SORBS2: variants seen among roughly 807,000 people sequenced by gnomAD.
SORBS2 encodes the protein sorbin and SH3 domain-containing protein 2.
Under a neutral mutation model 97.7 loss-of-function variants are expected in SORBS2, and 46 were observed. That is an observed-to-expected ratio of 0.47 (90% CI 0.37 to 0.60). The LOEUF (loss-of-function observed/expected upper bound fraction) is 0.60, where lower values mean the gene tolerates loss of function less well. SORBS2 is among the 20% of genes least tolerant of loss of function. SORBS2 has a pLI of 0.00. For synonymous variants in SORBS2, 476 were observed against 473.4 expected (o/e 1.01, Z -0.07); for missense variants, 1,316 against 1,282.3 (o/e 1.03, Z -0.40).
At chr4:185,936,418 A>T (rs1296455896) in intron 1 of SORBS2, among the ~76,000 whole-genome samples, 4 of 152,200 alleles carry the variant, frequency 2.6e-5, no homozygotes, top group Non-Finnish European at 4.4e-5. Context: ...GGGTACTGAA[A>T]CCATCAATTA....
At chr4:185,954,648 A>G (rs2099278757) in intron 1 of SORBS2, among the ~76,000 whole-genome samples, 1 of 152,176 alleles carries the variant, frequency 6.6e-6, no homozygotes, top group Admixed American at 6.5e-5. Context: ...ATTATTTTCA[A>G]ATGTTGGCTA....
chr4:185,951,526 A>C (rs566028048), intron 1 of SORBS2, among the ~76,000 whole-genome samples: 46 of 152,302 alleles, frequency 3.0e-4, no homozygotes, highest in South Asian at 1.0e-3. Context: ...GCCCTCCCTG[A>C]CATTGCACAT....
At chr4:185,688,492 T>TGATGATAGATAGATA (rs749222117) in intron 2 of SORBS2, among the ~76,000 whole-genome samples, 3 of 114,240 alleles carry the variant, frequency 2.6e-5, no homozygotes, top group African/African-American at 5.8e-5. Flanking sequence ...ATCTGTCTAT[T>TGATGATAGATAGATA]GATAGATAGA....
intron 3 of SORBS2, among the ~76,000 whole-genome samples, chr4:185,648,371 T>G (rs1001337097): frequency 1.3e-5 from 2 of 151,056 alleles, no homozygotes; most frequent in Non-Finnish European, 3.0e-5. Context: ...GCGTGGTGGC[T>G]GGTGCCTGTA....
chr4:185,872,598 C>T (rs1187410761), intron 1 of SORBS2, among the ~76,000 whole-genome samples: 2 of 152,100 alleles, frequency 1.3e-5, no homozygotes, highest in Admixed American at 1.3e-4. Flanking sequence ...ACTCTCCATA[C>T]CAAAAAAGGC....
chr4:185,686,390 A>G (rs754313776), intron 2 of SORBS2, among the ~76,000 whole-genome samples: 2 of 152,210 alleles, frequency 1.3e-5, no homozygotes, highest in African/African-American at 2.4e-5. Flanking sequence ...ACAATTTCTT[A>G]ATGTAGAAAA....
intron 1 of SORBS2, among the ~76,000 whole-genome samples, chr4:185,910,872 A>G (rs1383720165): frequency 1.3e-5 from 2 of 152,126 alleles, no homozygotes; most frequent in Non-Finnish European, 2.9e-5. Context: ...AGAATTTAAC[A>G]TTATCCAAAT....
chr4:185,619,426 A>G (rs757023010), intron 8 of SORBS2, among the ~76,000 whole-genome samples: 6 of 152,138 alleles, frequency 3.9e-5, no homozygotes, highest in Non-Finnish European at 8.8e-5. Context: ...TCTGGACTAC[A>G]TCAGACGCCT....
intron 1 of SORBS2, among the ~76,000 whole-genome samples, chr4:185,887,996 A>G (rs2099240554): frequency 6.7e-6 from 1 of 150,078 alleles, no homozygotes. Context: ...GTGTGTGTAC[A>G]TTGAACTCAT....
intron 12 of SORBS2, among the ~76,000 whole-genome samples, chr4:185,596,684 A>G (rs1410380949): frequency 1.3e-5 from 2 of 151,562 alleles, no homozygotes; most frequent in East Asian, 3.9e-4. Context: ...ACAGGCACGC[A>G]CCACCGTGCC....
chr4:185,671,047 C>T (rs376767873), intron 4 of SORBS2, among the ~76,000 whole-genome samples: 93 of 152,304 alleles, frequency 6.1e-4, no homozygotes, highest in African/African-American at 2.2e-3. Flanking sequence ...GCAGTTCCTA[C>T]GACTGAGAAG....
intron 4 of SORBS2, among the ~76,000 whole-genome samples, chr4:185,675,701 C>T (rs1251217979): frequency 1.3e-5 from 2 of 152,044 alleles, no homozygotes; most frequent in African/African-American, 2.4e-5. Context: ...TAGAGTAAGG[C>T]CTTAATATTT....
At chr4:185,846,841 A>C (rs1021210104) in intron 1 of SORBS2, among the ~76,000 whole-genome samples, 3 of 152,208 alleles carry the variant, frequency 2.0e-5, no homozygotes, top group African/African-American at 7.2e-5. Context: ...TGGAGTTATG[A>C]TTCAGAATCT....
intron 1 of SORBS2, among the ~76,000 whole-genome samples, chr4:185,868,170 T>TTTTTTTTTTTTTTTTTTTTTTTTTTTTTG: frequency 7.3e-6 from 1 of 136,392 alleles, no homozygotes; most frequent in African/African-American, 2.7e-5. Context: ...TTTTTTTTTT[T>TTTTTTTTTTTTTTTTTTTTTTTTTTTTTG]TTTTGAGGCA....
rs150845623 is a variant in SORBS2 at position 185,630,431 on chromosome 4, T to G, written c.446+118A>C. ...AATAAAACAACTTCATGAGGCATGG[T>G]ACTTCAAATAAAAATGAGTGATACA... On this transcript the variant is annotated intron_variant, in intron 5 of 14. Transcript: ENST00000418609. The G allele has an allele frequency of 9.5e-4, 495 of 518,512 alleles. 2 individuals carry two copies. Among genetic ancestry groups the G allele is most frequent in the African/African-American group, 7.7e-3 (387 of 50,488 alleles). The allele number at this position is 518,512 out of a possible 1,614,324, so 32.1% of individuals were successfully genotyped here.
At chr4:185,631,710 C>T (rs939011022) in intron 4 of SORBS2, among the ~76,000 whole-genome samples, 1 of 151,886 alleles carries the variant, frequency 6.6e-6, no homozygotes, top group African/African-American at 2.4e-5. Flanking sequence ...TGCAGCGAGT[C>T]GAGATGGCGC....
chr4:185,599,221 G>A (rs745546165), intron 12 of SORBS2, among the ~76,000 whole-genome samples: 5 of 152,184 alleles, frequency 3.3e-5, no homozygotes, highest in Non-Finnish European at 5.9e-5. Context: ...ACGGCCATGC[G>A]ATAGGCCAGT....
chr4:185,672,169 T>A (rs1394689824), intron 4 of SORBS2, among the ~76,000 whole-genome samples: 2 of 152,236 alleles, frequency 1.3e-5, no homozygotes, highest in Non-Finnish European at 2.9e-5. Flanking sequence ...TGCTGACATG[T>A]CTGCATTACT....
At chr4:185,864,360 A>G (rs528038143) in intron 1 of SORBS2, among the ~76,000 whole-genome samples, 15 of 152,344 alleles carry the variant, frequency 9.8e-5, no homozygotes, top group South Asian at 4.1e-4. Flanking sequence ...TTAAAGGACC[A>G]CGTTTATTTT....
Sources: allele counts gnomAD v4.1 joint callset (sites outside exome capture counted in the v4.1 genomes callset), GRCh38; gene constraint gnomAD v4.1.1; transcripts MANE v1.5; gene names NCBI Gene and HGNC (gene_info 2026-07-23, HGNC 2026-07-21).